ATRN: variants seen among roughly 807,000 people sequenced by gnomAD.
ATRN encodes the protein attractin.
Under a neutral mutation model 178.7 loss-of-function variants are expected in ATRN, and 54 were observed. The observed-to-expected ratio is 0.30, with a 90% confidence interval of 0.24 to 0.38. The LOEUF (loss-of-function observed/expected upper bound fraction) is 0.38. Among genes scored for constraint, ATRN ranks in the 10% least tolerant of loss-of-function variants. ATRN has a pLI of 1.00. For missense variants in ATRN, 1,443 were observed against 1,815.1 expected, an observed-to-expected ratio of 0.79 and a Z score of 3.73; for synonymous variants, 636 against 663.0, an observed-to-expected ratio of 0.96 and a Z score of 0.63.
At chr20:3,525,434 G>A (rs1036077254) in intron 1 of ATRN, among the ~76,000 whole-genome samples, 1 of 152,138 alleles carries the variant, frequency 6.6e-6, no homozygotes, top group African/African-American at 2.4e-5. Flanking sequence ...AAAAAGCCCA[G>A]GCCCAGACAG....
At chr20:3,521,261 A>G (rs955704091) in intron 1 of ATRN, among the ~76,000 whole-genome samples, 3 of 152,162 alleles carry the variant, frequency 2.0e-5, no homozygotes, top group Non-Finnish European at 4.4e-5. Flanking sequence ...GATTCTTTGT[A>G]CATCAAACCT....
chr20:3,596,084 T>C (rs1281328765), intron 20 of ATRN, among the ~76,000 whole-genome samples: 2 of 152,224 alleles, frequency 1.3e-5, no homozygotes, highest in Admixed American at 6.5e-5. Flanking sequence ...CCACACAAAA[T>C]TGAAAATGTT....
chr20:3,549,215 C>T lies in ATRN; in HGVS notation c.989C>T (p.Thr330Ile), dbSNP rs1173340263. The change falls in exon 6 of 29, where the codon ACT becomes ATT. Residue 330 changes from threonine to isoleucine, a missense_variant. Thr to Ile is a moderately conservative substitution (Grantham distance 89). Coordinates refer to ENST00000262919, the MANE Select transcript of ATRN (RefSeq NM_139321.3). ...VPVPANQSFW[T>I]REEYSNLKLP... The stretch of plus-strand genomic sequence containing the variant: ...GTACCAGCTAACCAGTCATTTTGGA[C>T]TCGAGAGGAATATTCTAACTTAAAG... 4.3e-6 allele frequency: 7 copies of T among 1,610,474 alleles called. No individual in the cohort carries two copies. The highest frequency in any genetic ancestry group is 5.9e-6 in the Non-Finnish European group (7 of 1,178,774).
chr20:3,580,751 T>C (rs2086272487), intron 15 of ATRN, among the ~76,000 whole-genome samples: 1 of 152,044 alleles, frequency 6.6e-6, no homozygotes, highest in Non-Finnish European at 1.5e-5. Flanking sequence ...GGGAGGGGAT[T>C]TTTATAGTTG....
chr20:3,550,797 G>A (rs1049091973), intron 6 of ATRN, among the ~76,000 whole-genome samples: 7 of 152,194 alleles, frequency 4.6e-5, no homozygotes, highest in African/African-American at 1.7e-4. Flanking sequence ...CTTCCCTCTG[G>A]GGGGAAAGAG....
intron 1 of ATRN, among the ~76,000 whole-genome samples, chr20:3,475,514 A>G (rs1185492640): frequency 6.6e-6 from 1 of 152,236 alleles, no homozygotes; most frequent in Non-Finnish European, 1.5e-5. Context: ...AAAAATACCT[A>G]TAGAATCTTT....
chr20:3,609,714 A>ATGTATGTGTG (rs1555824571), intron 24 of ATRN, among the ~76,000 whole-genome samples: 3 of 146,114 alleles, frequency 2.1e-5, no homozygotes, highest in African/African-American at 5.2e-5. Context: ...GTATGTATGT[A>ATGTATGTGTG]TGTGTGTGTG....
chr20:3,644,336 C>G, intron 28 of ATRN, 68 bp downstream of exon 28: 3 of 1,317,872 alleles, frequency 2.3e-6, no homozygotes, highest in Non-Finnish European at 3.3e-6. Context: ...GGGATACTTC[C>G]CTTTCCTAGA....
At chr20:3,641,593 A>C (rs1407446117) in intron 27 of ATRN, among the ~76,000 whole-genome samples, 1 of 146,228 alleles carries the variant, frequency 6.8e-6, no homozygotes, top group East Asian at 2.1e-4. Flanking sequence ...TCTGTCGCAA[A>C]AAAAAAAAAA....
intron 24 of ATRN, among the ~76,000 whole-genome samples, chr20:3,620,900 C>G (rs866208657): frequency 6.6e-6 from 1 of 152,162 alleles, no homozygotes; most frequent in Non-Finnish European, 1.5e-5. Flanking sequence ...ACCCATGGCC[C>G]GCGGGCTACA....
intron 1 of ATRN, among the ~76,000 whole-genome samples, chr20:3,529,200 A>T (rs1429607507): frequency 1.3e-5 from 2 of 152,244 alleles, no homozygotes; most frequent in Non-Finnish European, 2.9e-5. Flanking sequence ...AGCAATAAAA[A>T]GTCTGATTAT....
chr20:3,561,316 C>T (rs2085949780), intron 8 of ATRN, among the ~76,000 whole-genome samples: 1 of 152,006 alleles, frequency 6.6e-6, no homozygotes, highest in Non-Finnish European at 1.5e-5. Flanking sequence ...GAGTGAGACT[C>T]CGTCTCAAAA....
intron 1 of ATRN, among the ~76,000 whole-genome samples, chr20:3,509,172 A>G (rs1167667828): frequency 1.3e-5 from 2 of 152,230 alleles, no homozygotes; most frequent in Non-Finnish European, 2.9e-5. Flanking sequence ...AACTGACTCA[A>G]GATACCAGTT....
At chr20:3,561,011 C>T in intron 8 of ATRN, 106 bp downstream of exon 8, 1 of 1,376,648 alleles carries the variant, frequency 7.3e-7, no homozygotes, top group South Asian at 1.3e-5. Flanking sequence ...TGATTCGGTA[C>T]TTTATCTTGA....
chr20:3,619,070 T>C (rs2252209), intron 24 of ATRN, among the ~76,000 whole-genome samples: 67,479 of 151,820 alleles, frequency 0.44, 16,207 homozygotes, highest in African/African-American at 0.63. Context: ...TCCCAGGGGG[T>C]CGTTGGGAGC....
chr20:3,519,953 T>C (rs1283540728), intron 1 of ATRN, among the ~76,000 whole-genome samples: 1 of 152,224 alleles, frequency 6.6e-6, no homozygotes, highest in Admixed American at 6.5e-5. Flanking sequence ...TAAGGATCTA[T>C]ATAAATTCAG....
intron 1 of ATRN, among the ~76,000 whole-genome samples, chr20:3,494,420 A>G (rs2084849695): frequency 6.6e-6 from 1 of 152,112 alleles, no homozygotes; most frequent in East Asian, 1.9e-4. Context: ...TATAAAGAAG[A>G]TGACAGGTGG....
intron 9 of ATRN, 33 bp downstream of exon 9, chr20:3,562,492 G>T: frequency 6.2e-7 from 1 of 1,605,566 alleles, no homozygotes; most frequent in South Asian, 1.1e-5. Context: ...TCACTTTAAG[G>T]TGTAAATTCT....
chr20:3,583,788 CAG>C, intron 16 of ATRN, 108 bp from the exon 17 acceptor site: 1 of 1,135,224 alleles, frequency 8.8e-7, no homozygotes, highest in Non-Finnish European at 1.3e-6. Context: ...AGCCTGGAGA[CAG>C]AGTGAGACTC....
Sources: gnomAD v4.1 joint callset for allele counts (sites outside exome capture counted in the v4.1 genomes callset) on GRCh38, gnomAD v4.1.1 for gene constraint, MANE v1.5 for transcripts, NCBI Gene and HGNC (gene_info 2026-07-23, HGNC 2026-07-21) for gene names.